ATP2A3: variants seen among roughly 807,000 people sequenced by gnomAD.
The protein encoded by ATP2A3 is sarcoplasmic/endoplasmic reticulum calcium ATPase 3.
Under a neutral mutation model 106.8 loss-of-function variants are expected in ATP2A3, and 61 were observed. That is an observed-to-expected ratio of 0.57 (90% confidence interval 0.46 to 0.71). The LOEUF is 0.71. Ranked by LOEUF, ATP2A3 falls within the 30% of genes least tolerant of loss-of-function variation. ATP2A3 has a pLI of 0.00. For missense variants in ATP2A3, 1,201 were observed against 1,423.5 expected (o/e 0.84, Z 2.52); for synonymous variants, 611 against 609.3 (o/e 1.00, Z -0.04).
rs6502756 is a variant in ATP2A3 at position 3,936,821 on chromosome 17, G to C, written c.2322-352C>G. ...AAACCTAGCACATGCCACACCATCC[G>C]GCAAACACAAGCAAACACCTACATA... is the stretch of plus-strand genomic sequence containing the variant. On this transcript the variant is annotated intron_variant, in intron 15 of 20. Coordinates refer to ENST00000397041, the MANE Select transcript of ATP2A3 (RefSeq NM_005173.4). The surrounding 1 kb of genome is among the most constrained non-coding windows in gnomAD (Gnocchi z 5.4). 0.17 allele frequency: 62,895 copies of C among 370,576 alleles called. 5,867 individuals carry two copies. Among genetic ancestry groups the C allele is most frequent in the Middle Eastern group, 0.22 (243 of 1,108 alleles). The allele number at this position is 370,576 out of a possible 1,614,324, so 23.0% of individuals were successfully genotyped here.
At chr17:3,949,475 T>C (rs2054296663) in intron 7 of ATP2A3, among the ~76,000 whole-genome samples, 1 of 152,166 alleles carries the variant, frequency 6.6e-6, no homozygotes, top group African/African-American at 2.4e-5. Context: ...TCCTCCACCA[T>C]TTTGGCAGAC....
Position 3,926,886 on chromosome 17 carries a change from C to A in ATP2A3, c.2981-1445G>T. The A allele has an allele frequency of 2.6e-5, 26 of 985,430 alleles. No individual in the cohort carries two copies. The highest frequency in any genetic ancestry group is 2.4e-5 in the Non-Finnish European group (20 of 829,924). The allele number at this position is 985,430 out of a possible 1,614,324, so 61.0% of individuals were successfully genotyped here. A position where few individuals can be genotyped will look rare whatever the true frequency, so the allele number is the denominator to read the frequency against. On this transcript the variant is annotated intron_variant, in intron 20 of 20. Coordinates refer to ENST00000397041, the MANE Select transcript of ATP2A3 (RefSeq NM_005173.4). The surrounding 1 kb of genome is among the most constrained non-coding windows in gnomAD (Gnocchi z 4.6). Reference sequence around the variant, plus strand: ...ACCCGGCCCGTTAGTCTCACCCCCTCTTGCCTGTCCTCCATGGTTGACACA... The same window carrying A: ...ACCCGGCCCGTTAGTCTCACCCCCTATTGCCTGTCCTCCATGGTTGACACA...
intron 6 of ATP2A3, 44 bp downstream of exon 6, chr17:3,950,649 T>G: frequency 6.2e-7 from 1 of 1,613,542 alleles, no homozygotes; most frequent in South Asian, 1.1e-5. Context: ...GCCCATCCCT[T>G]AGTCCTGGCC....
At chr17:3,945,249 C>T (rs1597629499) in intron 8 of ATP2A3, 101 bp from the exon 9 acceptor site, 1 of 1,170,378 alleles carries the variant, frequency 8.5e-7, no homozygotes, top group East Asian at 2.9e-5. Flanking sequence ...CCCTGCCCGA[C>T]CGAGGGCCAA....
Position 3,928,363 on chromosome 17 carries a change from G to T in ATP2A3, c.2980+300C>A. 1 of 1,586,622 alleles carries T rather than the reference G, an allele frequency of 6.3e-7. No individual in the cohort carries two copies. Among genetic ancestry groups the T allele is most frequent in the South Asian group, 1.1e-5 (1 of 90,034 alleles). On this transcript the variant is annotated intron_variant, in intron 20 of 20. Coordinates refer to ENST00000397041, the MANE Select transcript of ATP2A3 (RefSeq NM_005173.4). This position sits in a 1 kb window ranked among gnomAD's most constrained non-coding sequence, Gnocchi z 6.1. The stretch of plus-strand genomic sequence containing the variant: ...AGGGGTCAGAGGCTGAGGCCCAGAA[G>T]AGCACACAGTGCCCTGGCCATGTAG...
At position 3,951,145 on chromosome 17, in the gene ATP2A3, T is replaced by C. The variant is rs952750182; in HGVS notation, c.463+106A>G. ...CCGAGATTGCGCCACTGCACTCCAGTCTGGGCAACAGAGCACGACTCCATC... is the reference window on the plus strand; with the variant it reads ...CCGAGATTGCGCCACTGCACTCCAGCCTGGGCAACAGAGCACGACTCCATC... On this transcript the variant is annotated intron_variant, in intron 5 of 20. Coordinates refer to ENST00000397041, the MANE Select transcript of ATP2A3 (RefSeq NM_005173.4). The C allele has an allele frequency of 6.4e-6, 7 of 1,097,900 alleles. No homozygotes were observed. In the African/African-American group the frequency reaches 9.6e-5, roughly 15 times the overall value. The allele number at this position is 1,097,900 out of a possible 1,614,324, so 68.0% of individuals were successfully genotyped here. A position where few individuals can be genotyped will look rare whatever the true frequency, so the allele number is the denominator to read the frequency against.
At chr17:3,962,035 C>G (rs537502337) in intron 1 of ATP2A3, among the ~76,000 whole-genome samples, 18 of 152,192 alleles carry the variant, frequency 1.2e-4, no homozygotes, top group Non-Finnish European at 2.4e-4. Context: ...CTAAAGACTT[C>G]TAGAGCCCTG....
chr17:3,932,465 G>T (rs753997466), intron 17 of ATP2A3, among the ~76,000 whole-genome samples: 2 of 150,680 alleles, frequency 1.3e-5, no homozygotes, highest in Non-Finnish European at 3.0e-5. Flanking sequence ...TTGAGACAAG[G>T]TCTCACTCCC....
In ATP2A3 at chr17:3,955,181, C is replaced by T. The variant is rs555713141; in HGVS notation, c.119-1471G>A. ...GTTAGCCATGCGGAATCTGAGGCCC[C>T]GGCCATGGCTGGCTCTCTTCCACCT... On this transcript the variant is annotated intron_variant, in intron 1 of 20. Transcript: ENST00000397041. This position sits in a 1 kb window ranked among gnomAD's most constrained non-coding sequence, Gnocchi z 4.2. Among the ~76,000 whole-genome samples the T allele has an allele frequency of 6.6e-6, 1 of 152,360 alleles. No homozygotes were observed. Among genetic ancestry groups the T allele is most frequent in the South Asian group, 2.1e-4 (1 of 4,832 alleles).
intron 16 of ATP2A3, among the ~76,000 whole-genome samples, chr17:3,935,630 T>C (rs1479376512): frequency 2.0e-5 from 3 of 148,388 alleles, no homozygotes; most frequent in Non-Finnish European, 3.0e-5. Flanking sequence ...CTCTGCCTCC[T>C]GGGTTCAAGC....
At chr17:3,951,175 AAAAT>A (rs371267455) in intron 5 of ATP2A3, 72 bp downstream of exon 5, 219 of 1,152,772 alleles carry the variant, frequency 1.9e-4, no homozygotes, top group Middle Eastern at 3.5e-4. Flanking sequence ...TCCATCTCAA[AAAAT>A]AAATAAATAA....
rs1414950452 is a variant in ATP2A3 at position 3,953,493 on chromosome 17, G to A, written c.137-64C>T. ...ACTGACCCTGCCCACTCAGAGCTGG[G>A]ATGGCCCGGGAGACCTCCCGGCCCA... On this transcript the variant is annotated intron_variant, in intron 2 of 20. Coordinates refer to ENST00000397041, the MANE Select transcript of ATP2A3 (RefSeq NM_005173.4). This position sits in a 1 kb window ranked among gnomAD's most constrained non-coding sequence, Gnocchi z 5.1. 5.7e-6 allele frequency: 9 copies of A among 1,578,436 alleles called. No homozygotes were observed. Among genetic ancestry groups the A allele is most frequent in the Non-Finnish European group, 7.8e-6 (9 of 1,148,878 alleles).
intron 1 of ATP2A3, among the ~76,000 whole-genome samples, chr17:3,958,108 T>G (rs902622970): frequency 6.6e-6 from 1 of 152,194 alleles, no homozygotes; most frequent in African/African-American, 2.4e-5. Flanking sequence ...GGGCTCAAGT[T>G]CAAATCCTGC....
chr17:3,927,097 C>A (rs1273998446), intron 20 of ATP2A3: 3 of 985,320 alleles, frequency 3.0e-6, no homozygotes, highest in African/African-American at 1.7e-5. Flanking sequence ...TCTTTCCAAC[C>A]ACTGCTTTAA....
Position 3,947,667 on chromosome 17 carries a change from G to A in ATP2A3, c.819C>T (p.Val273=). 6.2e-7 allele frequency: 1 copy of A among 1,612,288 alleles called. No homozygotes were observed. Among genetic ancestry groups the A allele is most frequent in the Non-Finnish European group, 8.5e-7 (1 of 1,179,884 alleles). Reference sequence around the variant, plus strand: ...GGTCGGCGAAGTGGCCGATGTTGATGACCCACACGGCCACGCAGATCACAG... The same window carrying A: ...GGTCGGCGAAGTGGCCGATGTTGATAACCCACACGGCCACGCAGATCACAG... ...AISVICVAVW[V]INIGHFADPA... Residue 273 remains valine (V), a synonymous_variant, in exon 8 of 21, where the codon GTC becomes GTT. Coordinates refer to ENST00000397041, the MANE Select transcript of ATP2A3 (RefSeq NM_005173.4). This position sits in a 1 kb window ranked among gnomAD's most constrained non-coding sequence, Gnocchi z 7.7.
chr17:3,935,233 C>A lies in ATP2A3; in HGVS notation c.2569G>T (p.Val857Leu), dbSNP rs751025490. The A allele has an allele frequency of 5.6e-6, 9 of 1,613,832 alleles. No individual in the cohort carries two copies. Among genetic ancestry groups the A allele is most frequent in the Non-Finnish European group, 6.8e-6 (8 of 1,180,052 alleles). ...ATGTGAGGTCCCTCGGCGTCATACA[C>A]AAACCACCAGGTGGCGGCAGCCACT... Reference protein sequence around the residue: ...ATVAAATWWFVYDAEGPHINF... With the variant: ...ATVAAATWWFLYDAEGPHINF... The change falls in exon 17 of 21, where the codon GTG (valine) becomes TTG (leucine). Residue 857 changes from valine (V) to leucine (L), a missense_variant. Transcript: ENST00000397041.
intron 17 of ATP2A3, 45 bp downstream of exon 17, chr17:3,935,147 C>T (rs1336833099): frequency 1.2e-6 from 2 of 1,601,580 alleles, no homozygotes; most frequent in South Asian, 1.1e-5. Flanking sequence ...ACTCCAACAA[C>T]TCGAGCTGTA....
chr17:3,952,751 G>A (rs1392459662), intron 3 of ATP2A3, among the ~76,000 whole-genome samples: 2 of 152,032 alleles, frequency 1.3e-5, no homozygotes, highest in Admixed American at 6.6e-5. Flanking sequence ...CACCGCACTC[G>A]GCTAATGTTT....
intron 1 of ATP2A3, among the ~76,000 whole-genome samples, chr17:3,959,434 TA>T (rs1268875382): frequency 3.3e-5 from 5 of 152,192 alleles, no homozygotes; most frequent in Non-Finnish European, 5.9e-5. Flanking sequence ...AGTCATTGTT[TA>T]CTCAGTTGCT....
Sources: gnomAD v4.1 joint callset for allele counts (sites outside exome capture counted in the v4.1 genomes callset) on GRCh38, gnomAD v4.1.1 for gene constraint, Gnocchi (gnomAD v3.1) non-coding constraint, MANE v1.5 for transcripts, NCBI Gene and HGNC (gene_info 2026-07-23, HGNC 2026-07-21) for gene names.